Variants in FAAH2 observed in about 807,000 individuals in gnomAD.
FAAH2 encodes fatty acid amide hydrolase 2.
A neutral mutation model predicts 36.9 loss-of-function variants in FAAH2; 60 were observed. The ratio of observed to expected loss-of-function variants is 1.63; its 90% CI spans 1.32 to 2.02. FAAH2 has a LOEUF of 2.02. FAAH2 is among the 30% of genes most tolerant of loss of function. The pLI, the probability that FAAH2 is intolerant of heterozygous loss-of-function variation, is 0.00. For synonymous variants in FAAH2, 214 were observed against 143.8 expected (o/e 1.49, Z -3.49); for missense variants, 689 against 397.5 (o/e 1.73, Z -6.23).
chrX:57,433,027 A>G (rs1369134544), intron 8 of FAAH2, among the ~76,000 whole-genome samples: 5 of 111,070 alleles, frequency 4.5e-5, no homozygotes, highest in Non-Finnish European at 5.7e-5. Flanking sequence ...CTTTGCAGAA[A>G]CACTTTGGAA....
chrX:57,411,421 A>G (rs2055697970), intron 7 of FAAH2, among the ~76,000 whole-genome samples: 1 of 110,626 alleles, frequency 9.0e-6, no homozygotes, highest in South Asian at 3.9e-4. Context: ...TCCACTGGGG[A>G]GGAAGGAAGC....
intron 7 of FAAH2, among the ~76,000 whole-genome samples, chrX:57,382,242 A>C (rs1276229771): frequency 9.0e-6 from 1 of 111,725 alleles, no homozygotes; most frequent in Non-Finnish European, 1.9e-5. Flanking sequence ...TAAAATTGGC[A>C]CTCTAACATC....
the FAAH2 span, among the ~76,000 whole-genome samples, chrX:57,239,717 A>T: frequency 1.8e-5 from 2 of 110,773 alleles, no homozygotes; most frequent in East Asian, 2.8e-4. Context: ...TATTTCTTGG[A>T]GGTATTGTTT....
At chrX:57,392,335 G>A (rs715099) in intron 7 of FAAH2, among the ~76,000 whole-genome samples, 5 of 110,491 alleles carry the variant, frequency 4.5e-5, no homozygotes, top group Admixed American at 9.6e-5. Flanking sequence ...AGTGGTGAGA[G>A]TGGAGATCCT....
chrX:57,410,605 A>G (rs939089204), intron 7 of FAAH2, among the ~76,000 whole-genome samples: 2 of 111,720 alleles, frequency 1.8e-5, no homozygotes, highest in African/African-American at 6.5e-5. Context: ...CTGTTTTATC[A>G]TTATATAATA....
At chrX:57,292,788 C>T (rs958613039) in intron 2 of FAAH2, among the ~76,000 whole-genome samples, 9 of 111,686 alleles carry the variant, frequency 8.1e-5, no homozygotes, top group Admixed American at 2.9e-4. Context: ...CTATTAACTG[C>T]AAGATCCTTG....
the FAAH2 span, chrX:57,134,856 C>G: frequency 9.0e-6 from 1 of 111,458 alleles, no homozygotes; most frequent in African/African-American, 3.3e-5. Flanking sequence ...CATTAACTCC[C>G]TGAAACAGGA....
At chrX:57,306,436 A>G (rs2052524758) in intron 2 of FAAH2, among the ~76,000 whole-genome samples, 1 of 110,702 alleles carries the variant, frequency 9.0e-6, no homozygotes, top group African/African-American at 3.3e-5. Context: ...TGGTGTGGCC[A>G]ATAATCATAA....
the FAAH2 span, among the ~76,000 whole-genome samples, chrX:57,172,453 C>A: frequency 2.7e-5 from 3 of 110,377 alleles, no homozygotes; most frequent in Non-Finnish European, 5.7e-5. Context: ...GTTTACAGCT[C>A]CTGAAGCCCC....
chrX:57,279,681 G>T, the FAAH2 span, among the ~76,000 whole-genome samples: 1 of 111,844 alleles, frequency 8.9e-6, no homozygotes, highest in Admixed American at 9.5e-5. Flanking sequence ...TGAGAGTTTG[G>T]TTCAACATAT....
intron 10 of FAAH2, among the ~76,000 whole-genome samples, chrX:57,454,501 A>T (rs2056835502): frequency 8.9e-6 from 1 of 112,348 alleles, no homozygotes; most frequent in African/African-American, 3.2e-5. Context: ...CAGAAGCTGG[A>T]TGACAAGGAA....
At chrX:57,425,050 C>T (rs1399862532) in intron 7 of FAAH2, among the ~76,000 whole-genome samples, 1 of 107,093 alleles carries the variant, frequency 9.3e-6, no homozygotes, top group Admixed American at 1.0e-4. Flanking sequence ...ACAAAAAAAT[C>T]TGAAAATAAA....
At chrX:57,382,178 G>A (rs1317583736) in intron 7 of FAAH2, among the ~76,000 whole-genome samples, 1 of 111,230 alleles carries the variant, frequency 9.0e-6, no homozygotes, top group Non-Finnish European at 1.9e-5. Flanking sequence ...TTAAAGCAAT[G>A]TGTAGAGGGA....
intron 3 of FAAH2, among the ~76,000 whole-genome samples, chrX:57,316,342 A>C (rs767763270): frequency 3.6e-4 from 40 of 112,168 alleles, no homozygotes; most frequent in African/African-American, 1.3e-3. Flanking sequence ...CTACCAAACT[A>C]CCAAAGACAT....
At chrX:57,403,542 G>A (rs1004640125) in intron 7 of FAAH2, among the ~76,000 whole-genome samples, 2 of 112,682 alleles carry the variant, frequency 1.8e-5, no homozygotes, top group East Asian at 5.6e-4. Flanking sequence ...ACAAACAACC[G>A]TTCTTATGCA....
At chrX:57,313,482 A>C (rs546721302) in intron 3 of FAAH2, among the ~76,000 whole-genome samples, 6 of 109,947 alleles carry the variant, frequency 5.5e-5, no homozygotes, top group South Asian at 4.0e-4. Flanking sequence ...TAAATAAATA[A>C]ATACATCTTA....
intron 10 of FAAH2, among the ~76,000 whole-genome samples, chrX:57,475,627 G>T (rs1019453037): frequency 8.9e-6 from 1 of 111,862 alleles, no homozygotes; most frequent in African/African-American, 3.2e-5. Context: ...CAGGTAGCAT[G>T]ATTCCTCCAG....
intron 7 of FAAH2, among the ~76,000 whole-genome samples, chrX:57,385,388 T>G (rs149625526): frequency 5.1e-4 from 56 of 110,858 alleles, no homozygotes; most frequent in African/African-American, 1.5e-3. Context: ...TGCCTGTGAC[T>G]CAATAACTTA....
At chrX:57,181,334 A>G in the FAAH2 span, among the ~76,000 whole-genome samples, 1 of 112,080 alleles carries the variant, frequency 8.9e-6, no homozygotes, top group Admixed American at 9.5e-5. Flanking sequence ...CTATATCTAG[A>G]AAACCCTGTA....
Sources: allele counts gnomAD v4.1 joint callset (sites outside exome capture counted in the v4.1 genomes callset), GRCh38; gene constraint gnomAD v4.1.1; transcripts MANE v1.5; gene names NCBI Gene and HGNC (gene_info 2026-07-23, HGNC 2026-07-21).